The following MYT1L variants were observed in gnomAD, a reference collection of about 807,000 sequenced individuals.
MYT1L encodes myelin transcription factor 1-like protein.
Under a neutral mutation model 126.7 loss-of-function variants are expected in MYT1L, and 12 were observed. The observed-to-expected ratio is 0.09, with a 90% CI of 0.06 to 0.15. The LOEUF is 0.15. MYT1L is among the 10% of genes least tolerant of loss of function. The pLI is 1.00. For synonymous variants in MYT1L, 541 were observed against 604.2 expected (o/e 0.90, Z 1.53); for missense variants, 979 against 1,585.2 (o/e 0.62, Z 6.49).
intron 18 of MYT1L, among the ~76,000 whole-genome samples, chr2:1,874,704 G>A (rs112431033): frequency 0.011 from 1,603 of 152,290 alleles, 30 homozygotes; most frequent in African/African-American, 0.036. Flanking sequence ...TGCCCGTGCC[G>A]TTTGCCACCT....
chr2:1,796,682 C>T (rs2033590887), intron 23 of MYT1L, among the ~76,000 whole-genome samples: 1 of 141,726 alleles, frequency 7.1e-6, no homozygotes, highest in Non-Finnish European at 1.5e-5. Flanking sequence ...GGCAGCATCC[C>T]AGCCTCCCAG....
intron 3 of MYT1L, among the ~76,000 whole-genome samples, chr2:2,101,113 A>C (rs2078015556): frequency 6.6e-6 from 1 of 152,206 alleles, no homozygotes; most frequent in African/African-American, 2.4e-5. Flanking sequence ...AATCTTAAAA[A>C]ATTCTGATTA....
intron 18 of MYT1L, among the ~76,000 whole-genome samples, chr2:1,864,365 A>G (rs1356422033): frequency 6.6e-6 from 1 of 152,164 alleles, no homozygotes; most frequent in Non-Finnish European, 1.5e-5. Context: ...CCATGGGTGC[A>G]TCCAGTCTCC....
At chr2:1,831,519 A>G (rs1473371586) in intron 21 of MYT1L, among the ~76,000 whole-genome samples, 1 of 151,928 alleles carries the variant, frequency 6.6e-6, no homozygotes, top group Non-Finnish European at 1.5e-5. Flanking sequence ...CATGTCCTCT[A>G]CAACCCCCTG....
chr2:2,024,622 C>T (rs1487369431), intron 4 of MYT1L, among the ~76,000 whole-genome samples: 1 of 152,216 alleles, frequency 6.6e-6, no homozygotes, highest in African/African-American at 2.4e-5. Context: ...TATATCCAGG[C>T]CGGCTTTGTT....
At chr2:1,883,852 G>A (rs533890185) in intron 18 of MYT1L, 1 of 152,336 alleles carries the variant, frequency 6.6e-6, no homozygotes, top group East Asian at 1.9e-4. Flanking sequence ...AGGGAGCAAA[G>A]AAAGCAACAG....
intron 2 of MYT1L, among the ~76,000 whole-genome samples, chr2:2,194,243 C>G (rs912711975): frequency 4.6e-5 from 7 of 151,894 alleles, no homozygotes; most frequent in Non-Finnish European, 1.5e-5. Context: ...CTTTTTCTGA[C>G]CAAGTTTTAA....
chr2:2,004,656 TGCCTTCTTTCCTGC>T (rs2062963121), intron 4 of MYT1L, among the ~76,000 whole-genome samples: 3 of 73,858 alleles, frequency 4.1e-5, no homozygotes, highest in African/African-American at 1.8e-4. Flanking sequence ...CTTTCCTGCG[TGCCTTCTTTCCTGC>T]GTGCCTTCTT....
At chr2:1,966,318 T>G (rs1324341285) in intron 8 of MYT1L, among the ~76,000 whole-genome samples, 1 of 152,246 alleles carries the variant, frequency 6.6e-6, no homozygotes. Context: ...TTAAATATAA[T>G]GATCACTCCT....
chr2:1,918,851 T>C (rs1362323276), intron 10 of MYT1L, among the ~76,000 whole-genome samples: 1 of 152,208 alleles, frequency 6.6e-6, no homozygotes, highest in Non-Finnish European at 1.5e-5. Flanking sequence ...CTGAAACTTC[T>C]CTTACACCTG....
At chr2:2,295,761 GAC>G (rs2095680299) in intron 1 of MYT1L, among the ~76,000 whole-genome samples, 1 of 73,424 alleles carries the variant, frequency 1.4e-5, no homozygotes, top group Non-Finnish European at 3.6e-5. Flanking sequence ...GAGACAGACA[GAC>G]AGACAGAGAG....
At chr2:1,866,860 C>G (rs2045630956) in intron 18 of MYT1L, among the ~76,000 whole-genome samples, 1 of 81,382 alleles carries the variant, frequency 1.2e-5, no homozygotes, top group African/African-American at 5.0e-5. Context: ...AGAGGGAGGG[C>G]AGAGAGAGAT....
At chr2:2,277,057 C>T (rs139658782) in intron 2 of MYT1L, among the ~76,000 whole-genome samples, 6 of 152,216 alleles carry the variant, frequency 3.9e-5, no homozygotes, top group Non-Finnish European at 7.4e-5. Flanking sequence ...TCTTAGCTCA[C>T]TGCAACCTCC....
At chr2:1,883,771 C>G (rs2047860951) in intron 18 of MYT1L, 1 of 152,106 alleles carries the variant, frequency 6.6e-6, no homozygotes, top group Non-Finnish European at 1.5e-5. Flanking sequence ...TCGAAGTGTC[C>G]CTTTTACCCT....
chr2:2,006,765 G>A (rs556391255), intron 4 of MYT1L, among the ~76,000 whole-genome samples: 2 of 151,696 alleles, frequency 1.3e-5, no homozygotes, highest in Non-Finnish European at 1.5e-5. Flanking sequence ...TAGTAGAGAC[G>A]GGGTTTCACC....
chr2:1,976,501 G>T (rs2060197926), intron 8 of MYT1L, among the ~76,000 whole-genome samples: 1 of 152,160 alleles, frequency 6.6e-6, no homozygotes, highest in Non-Finnish European at 1.5e-5. Flanking sequence ...AATTAGCTGG[G>T]TGTGGTGGCG....
chr2:2,105,112 CAA>C (rs2078587131), intron 3 of MYT1L, among the ~76,000 whole-genome samples: 1 of 152,270 alleles, frequency 6.6e-6, no homozygotes, highest in South Asian at 2.1e-4. Context: ...ATATCTAAGA[CAA>C]GAGTGACTCC....
At chr2:1,839,463 A>T in intron 20 of MYT1L, 93 bp from the exon 21 acceptor site, 1 of 1,182,134 alleles carries the variant, frequency 8.5e-7, no homozygotes, top group Non-Finnish European at 1.2e-6. Flanking sequence ...CATGAAGAAG[A>T]AAAAAACAAC....
intron 5 of MYT1L, among the ~76,000 whole-genome samples, chr2:1,995,147 C>T (rs28546701): frequency 0.081 from 12,252 of 151,368 alleles, 682 homozygotes; most frequent in African/African-American, 0.17. Flanking sequence ...CTTACTGTGT[C>T]GTTTTAGCTT....
Sources: allele counts gnomAD v4.1 joint callset (sites outside exome capture counted in the v4.1 genomes callset), GRCh38; gene constraint gnomAD v4.1.1; transcripts MANE v1.5; gene names NCBI Gene and HGNC (gene_info 2026-07-23, HGNC 2026-07-21).